The following NDST4 variants were observed in gnomAD, a reference collection of about 807,000 sequenced individuals.
NDST4 encodes N-heparan sulfate sulfotransferase 4.
In NDST4, 63 loss-of-function variants were observed where a neutral mutation model predicts 100.8. The ratio of observed to expected loss-of-function variants is 0.62; its 90% CI spans 0.51 to 0.77. The LOEUF (loss-of-function observed/expected upper bound fraction) is 0.77, where lower values mean the gene tolerates loss of function less well. Among genes scored for constraint, NDST4 ranks in the 30% least tolerant of loss-of-function variants. NDST4 has a pLI of 0.00. For synonymous variants in NDST4, 377 were observed against 361.8 expected (o/e 1.04, Z -0.48); for missense variants, 943 against 1,018.4 (o/e 0.93, Z 1.01).
At chr4:115,000,575 C>A (rs1358721586) in intron 2 of NDST4, among the ~76,000 whole-genome samples, 1 of 152,008 alleles carries the variant, frequency 6.6e-6, no homozygotes, top group Non-Finnish European at 1.5e-5. Context: ...CTACATGAGG[C>A]AAATACTTAC....
intron 4 of NDST4, among the ~76,000 whole-genome samples, chr4:114,968,760 G>A (rs1726439549): frequency 6.6e-6 from 1 of 152,104 alleles, no homozygotes; most frequent in South Asian, 2.1e-4. Context: ...TTTAAAAAAG[G>A]CTTTCTTAGG....
chr4:114,934,236 G>C (rs1308079585), intron 6 of NDST4, among the ~76,000 whole-genome samples: 1 of 152,120 alleles, frequency 6.6e-6, no homozygotes, highest in East Asian at 1.9e-4. Flanking sequence ...TATGCTAAGT[G>C]AATAAGTCAG....
At chr4:114,947,175 C>T (rs749414855) in intron 4 of NDST4, among the ~76,000 whole-genome samples, 3 of 152,114 alleles carry the variant, frequency 2.0e-5, no homozygotes, top group Non-Finnish European at 4.4e-5. Context: ...AACAATTAAA[C>T]ACTGGTCCAA....
chr4:115,106,774 C>G (rs1310106188), intron 1 of NDST4, among the ~76,000 whole-genome samples: 1 of 152,082 alleles, frequency 6.6e-6, no homozygotes, highest in East Asian at 1.9e-4. Context: ...TTCCAGCCAA[C>G]TGGGTGATGT....
At chr4:114,987,588 T>C (rs1464476964) in intron 2 of NDST4, among the ~76,000 whole-genome samples, 2 of 152,180 alleles carry the variant, frequency 1.3e-5, no homozygotes, top group Non-Finnish European at 1.5e-5. Context: ...AACCAAACTA[T>C]GATCCATGGG....
At chr4:114,996,187 G>A (rs971914528) in intron 2 of NDST4, among the ~76,000 whole-genome samples, 1 of 152,006 alleles carries the variant, frequency 6.6e-6, no homozygotes, top group Non-Finnish European at 1.5e-5. Flanking sequence ...GATCATGGAT[G>A]CAGTTTCCCC....
intron 1 of NDST4, among the ~76,000 whole-genome samples, chr4:115,095,358 A>T (rs754731992): frequency 2.0e-5 from 3 of 152,096 alleles, no homozygotes; most frequent in Non-Finnish European, 2.9e-5. Flanking sequence ...GTATTTCCTT[A>T]CATGGTGAAA....
intron 7 of NDST4, among the ~76,000 whole-genome samples, chr4:114,854,261 C>T (rs911560389): frequency 4.6e-5 from 7 of 152,164 alleles, no homozygotes; most frequent in East Asian, 1.9e-4. Context: ...TTTCACTTAA[C>T]GTAATATCCT....
At chr4:114,859,118 C>G (rs1723863955) in intron 7 of NDST4, among the ~76,000 whole-genome samples, 1 of 152,178 alleles carries the variant, frequency 6.6e-6, no homozygotes, top group South Asian at 2.1e-4. Context: ...GGTGCCAGAA[C>G]AGACTACCAT....
intron 2 of NDST4, among the ~76,000 whole-genome samples, chr4:115,017,761 A>C (rs1248679819): frequency 1.3e-5 from 2 of 152,058 alleles, no homozygotes; most frequent in Non-Finnish European, 2.9e-5. Context: ...TCATTAATAA[A>C]AATGTCATCC....
intron 7 of NDST4, among the ~76,000 whole-genome samples, chr4:114,855,489 T>C (rs1723774319): frequency 2.6e-5 from 4 of 152,220 alleles, no homozygotes; most frequent in Admixed American, 2.0e-4. Flanking sequence ...TTCTTCTGCA[T>C]GCAGCTATCC....
At chr4:114,863,826 C>T (rs1723969209) in intron 7 of NDST4, among the ~76,000 whole-genome samples, 1 of 152,112 alleles carries the variant, frequency 6.6e-6, no homozygotes, top group African/African-American at 2.4e-5. Flanking sequence ...CAGAAGATTT[C>T]CTGAAGCAAT....
At chr4:115,004,498 C>A (rs1296558944) in intron 2 of NDST4, among the ~76,000 whole-genome samples, 1 of 152,042 alleles carries the variant, frequency 6.6e-6, no homozygotes, top group Non-Finnish European at 1.5e-5. Context: ...GCACTATGTA[C>A]AACGAAGGCA....
intron 4 of NDST4, among the ~76,000 whole-genome samples, chr4:114,943,508 C>G (rs562773363): frequency 6.6e-6 from 1 of 152,218 alleles, no homozygotes; most frequent in South Asian, 2.1e-4. Context: ...TGGTTAGGTA[C>G]GTTTGGGGCC....
At chr4:114,867,646 T>TAAAAAAAAAAAAAAAAAAA (rs761173470) in intron 7 of NDST4, among the ~76,000 whole-genome samples, 1 of 26,750 alleles carries the variant, frequency 3.7e-5, no homozygotes, top group African/African-American at 8.4e-5. Flanking sequence ...ATGAGAATTA[T>TAAAAAAAAAAAAAAAAAAA]AAAAAAAAAA....
intron 4 of NDST4, among the ~76,000 whole-genome samples, chr4:114,961,330 G>C (rs572555817): frequency 6.6e-6 from 1 of 151,170 alleles, no homozygotes; most frequent in Non-Finnish European, 1.5e-5. Context: ...GCAATTAGAA[G>C]GAAAGAAATA....
chr4:115,004,789 A>G (rs574823476), intron 2 of NDST4, among the ~76,000 whole-genome samples: 2 of 152,310 alleles, frequency 1.3e-5, no homozygotes, highest in South Asian at 4.1e-4. Flanking sequence ...CTAACTGGGC[A>G]AAAGTTCCCA....
intron 2 of NDST4, among the ~76,000 whole-genome samples, chr4:115,044,279 A>T (rs1728415419): frequency 6.6e-6 from 1 of 152,140 alleles, no homozygotes; most frequent in African/African-American, 2.4e-5. Flanking sequence ...TATCTTTTAC[A>T]TTAATATGTT....
At chr4:114,925,355 A>C (rs1725366960) in intron 6 of NDST4, among the ~76,000 whole-genome samples, 1 of 152,112 alleles carries the variant, frequency 6.6e-6, no homozygotes, top group Non-Finnish European at 1.5e-5. Context: ...TCATCTATGC[A>C]GCTCTATATT....
Sources: gnomAD v4.1 joint callset for allele counts (sites outside exome capture counted in the v4.1 genomes callset) on GRCh38, gnomAD v4.1.1 for gene constraint, MANE v1.5 for transcripts, NCBI Gene and HGNC (gene_info 2026-07-23, HGNC 2026-07-21) for gene names.